PCGF6: variants seen among roughly 807,000 people sequenced by gnomAD.
PCGF6 encodes polycomb group RING finger protein 6.
Under a neutral mutation model 45.5 loss-of-function variants are expected in PCGF6, and 24 were observed. The observed-to-expected ratio is 0.53, with a 90% CI of 0.38 to 0.74. The LOEUF is 0.74. Among genes scored for constraint, PCGF6 ranks in the 30% least tolerant of loss-of-function variants. PCGF6 has a pLI of 0.00. For missense variants in PCGF6, 356 were observed against 443.2 expected, an observed-to-expected ratio of 0.80 and a Z score of 1.77; for synonymous variants, 152 against 162.1, an observed-to-expected ratio of 0.94 and a Z score of 0.47.
At chr10:103,304,043 T>C (rs1262137383) in intron 9 of PCGF6, 82 bp from the exon 10 acceptor site, 3 of 1,135,416 alleles carry the variant, frequency 2.6e-6, no homozygotes, top group Non-Finnish European at 3.9e-6. Context: ...TGGCTTACTT[T>C]TTTTTAATAA....
In PCGF6 at chr10:103,348,826, ATGT is replaced by A; in HGVS notation, c.461-17_461-15del. 1.2e-6 allele frequency: 2 copies of A among 1,606,748 alleles called. No homozygotes were observed. Among genetic ancestry groups the A allele is most frequent in the Non-Finnish European group, 8.5e-7 (1 of 1,176,118 alleles). On this transcript the variant is annotated splice_polypyrimidine_tract_variant and intron_variant, in intron 2 of 9. Coordinates refer to ENST00000369847, the MANE Select transcript of PCGF6 (RefSeq NM_001011663.2). ...AGCTTTTACAAACTGTTGAAAAAGA[ATGT>A]TGAAGTCAGGATGCTTTCAAGACAT...
chr10:103,351,114 G>T lies in PCGF6; in HGVS notation c.-48C>A. On this transcript the variant is annotated 5_prime_UTR_variant, in exon 1 of 10. Coordinates refer to ENST00000369847, the MANE Select transcript of PCGF6 (RefSeq NM_001011663.2). ...GGCGAGGCGGCGGGAGAGCGCGGGA[G>T]TTCGGCCGGCCTCGGACGCCACCAC... The T allele has an allele frequency of 7.5e-7, 1 of 1,338,184 alleles. No individual in the cohort carries two copies. The highest frequency in any genetic ancestry group is 9.6e-7 in the Non-Finnish European group (1 of 1,044,504). The allele number at this position is 1,338,184 out of a possible 1,614,324, so 82.9% of individuals were successfully genotyped here.
chr10:103,348,805 T>C lies in PCGF6; in HGVS notation c.468A>G (p.Lys156=). 2 of 1,612,474 alleles carry C rather than the reference T, an allele frequency of 1.2e-6. No homozygotes were observed. The highest frequency in any genetic ancestry group is 1.7e-6 in the Non-Finnish European group (2 of 1,179,260). The change falls in exon 3 of 10, where the codon AAA becomes AAG. Residue 156 remains lysine, a synonymous_variant. Coordinates refer to ENST00000369847, the MANE Select transcript of PCGF6 (RefSeq NM_001011663.2). ...TITECLHTFC[K]SCIVRHFYYS... is the part of the protein sequence containing the mutation. The stretch of plus-strand genomic sequence containing the variant: ...AGTAAAAATGTCTTACGATGCAGCT[T>C]TTACAAACTGTTGAAAAAGAATGTT...
intron 9 of PCGF6, among the ~76,000 whole-genome samples, chr10:103,304,197 T>C (rs986910268): frequency 4.6e-5 from 7 of 150,812 alleles, no homozygotes; most frequent in Non-Finnish European, 8.9e-5. Context: ...AGTGCAGTGG[T>C]GCAATCTCAG....
At position 103,347,227 on chromosome 10, in the gene PCGF6, C is replaced by A; in HGVS notation, c.673+11G>T. The A allele has an allele frequency of 6.3e-7, 1 of 1,593,286 alleles. No individual in the cohort carries two copies. The highest frequency in any genetic ancestry group is 1.3e-5 in the African/African-American group (1 of 74,508). On this transcript the variant is annotated intron_variant, in intron 5 of 9. Coordinates refer to ENST00000369847, the MANE Select transcript of PCGF6 (RefSeq NM_001011663.2). ...ATCTGTAAGTACATTATAGTATACA[C>A]CCAAACTTACCAGGTTTAGGTACTT...
At chr10:103,339,866 CAA>C (rs1564733321) in intron 6 of PCGF6, among the ~76,000 whole-genome samples, 6 of 102,820 alleles carry the variant, frequency 5.8e-5, no homozygotes, top group East Asian at 3.2e-4. Flanking sequence ...CACACACACA[CAA>C]AAGCATCTTA....
intron 8 of PCGF6, among the ~76,000 whole-genome samples, chr10:103,315,990 G>GTATA (rs1222544781): frequency 6.4e-4 from 72 of 112,474 alleles, no homozygotes; most frequent in African/African-American, 2.3e-3. Flanking sequence ...GTGTGTGTGT[G>GTATA]TGTGTATATA....
intron 9 of PCGF6, among the ~76,000 whole-genome samples, chr10:103,309,936 G>A (rs189603392): frequency 1.3e-5 from 2 of 151,702 alleles, no homozygotes; most frequent in African/African-American, 4.8e-5. Flanking sequence ...GGGCAAAACA[G>A]AGTGAGACCT....
At chr10:103,339,129 A>G (rs1378650187) in intron 6 of PCGF6, among the ~76,000 whole-genome samples, 1 of 152,132 alleles carries the variant, frequency 6.6e-6, no homozygotes, top group Non-Finnish European at 1.5e-5. Flanking sequence ...TATGTAATAA[A>G]AAGGGTGAGG....
At chr10:103,347,649 C>T (rs2093304371) in intron 3 of PCGF6, among the ~76,000 whole-genome samples, 199 bp from the exon 4 acceptor site, 1 of 152,108 alleles carries the variant, frequency 6.6e-6, no homozygotes. Flanking sequence ...TAAGTATTCA[C>T]AGATTCTTGA....
At chr10:103,312,482 T>G (rs577844520) in intron 9 of PCGF6, 1 of 153,234 alleles carries the variant, frequency 6.5e-6, no homozygotes, top group South Asian at 2.1e-4. Context: ...TACCAAAAAA[T>G]TATGCTTCTG....
intron 9 of PCGF6, among the ~76,000 whole-genome samples, chr10:103,310,706 C>A (rs2093154344): frequency 6.6e-6 from 1 of 151,846 alleles, no homozygotes; most frequent in African/African-American, 2.4e-5. Flanking sequence ...TATTTCTTTT[C>A]TTTCTCTTTT....
intron 1 of PCGF6, 121 bp from the exon 2 acceptor site, chr10:103,349,120 T>G: frequency 3.9e-6 from 3 of 775,208 alleles, no homozygotes; most frequent in Non-Finnish European, 6.1e-6. Flanking sequence ...TCATCTCGGT[T>G]CACTGCAACC....
rs181409121 is a variant in PCGF6, at chr10:103,305,058, G to A, written c.997-1097C>T. On this transcript the variant is annotated intron_variant, in intron 9 of 9. Coordinates refer to ENST00000369847, the MANE Select transcript of PCGF6 (RefSeq NM_001011663.2). ...GCTCACTGTAGCCTCAATCTCCCAG[G>A]CTCAAGTGATCCTCCAACCTCAGCT... Among the ~76,000 whole-genome samples, 20 of 152,134 alleles carry A rather than the reference G, an allele frequency of 1.3e-4. No individual in the cohort carries two copies. The East Asian group carries it at 3.9e-3, about 29-fold the overall frequency.
chr10:103,341,418 G>A (rs987762443), intron 6 of PCGF6, among the ~76,000 whole-genome samples: 9 of 150,164 alleles, frequency 6.0e-5, no homozygotes, highest in South Asian at 2.1e-4. Context: ...CACCATGCCT[G>A]GCTAATTTTT....
chr10:103,336,085 T>C (rs1450062622), intron 6 of PCGF6, among the ~76,000 whole-genome samples: 1 of 150,668 alleles, frequency 6.6e-6, no homozygotes, highest in African/African-American at 2.4e-5. Flanking sequence ...GGGCAACAAA[T>C]TAGCAAGGTG....
At chr10:103,304,569 A>G (rs757724474) in intron 9 of PCGF6, among the ~76,000 whole-genome samples, 20 of 151,864 alleles carry the variant, frequency 1.3e-4, no homozygotes, top group Non-Finnish European at 2.2e-4. Context: ...TTGAACTCCT[A>G]ATCTCAGATG....
At chr10:103,324,523 C>T (rs1592063154) in intron 8 of PCGF6, among the ~76,000 whole-genome samples, 1 of 151,618 alleles carries the variant, frequency 6.6e-6, no homozygotes, top group Admixed American at 6.6e-5. Context: ...CTTTGGGAGG[C>T]CGAGGCGGGA....
At chr10:103,313,919 T>C (rs1040165115) in intron 9 of PCGF6, among the ~76,000 whole-genome samples, 1 of 152,224 alleles carries the variant, frequency 6.6e-6, no homozygotes, top group African/African-American at 2.4e-5. Context: ...CCTTACTGTA[T>C]CTCAGTTTCC....
Sources: allele counts gnomAD v4.1 joint callset (sites outside exome capture counted in the v4.1 genomes callset), GRCh38; gene constraint gnomAD v4.1.1; transcripts MANE v1.5; gene names NCBI Gene and HGNC (gene_info 2026-07-23, HGNC 2026-07-21).